PHF3: variants seen among roughly 807,000 people sequenced by gnomAD.
The protein encoded by PHF3 is PHD finger protein 3.
Under a neutral mutation model 178.4 loss-of-function variants are expected in PHF3, and 41 were observed. That is an observed-to-expected ratio of 0.23 (90% CI 0.18 to 0.30). The LOEUF (loss-of-function observed/expected upper bound fraction) is 0.30, where lower values mean the gene tolerates loss of function less well. Ranked by LOEUF, PHF3 falls within the 10% of genes least tolerant of loss-of-function variation. The pLI, the probability that PHF3 is intolerant of heterozygous loss-of-function variation, is 1.00. For synonymous variants in PHF3, 842 were observed against 800.5 expected (o/e 1.05, Z -0.88); for missense variants, 2,346 against 2,398.1 (o/e 0.98, Z 0.45).
intron 2 of PHF3, among the ~76,000 whole-genome samples, chr6:63,671,832 C>T (rs1191552998): frequency 6.6e-6 from 1 of 152,094 alleles, no homozygotes; most frequent in Non-Finnish European, 1.5e-5. Context: ...CTGGAACCTT[C>T]GACTACCTGG....
Position 63,715,052 on chromosome 6 carries a change from G to A in PHF3, c.*1344G>A, listed in dbSNP as rs887816937. The A allele has an allele frequency of 6.6e-5, 10 of 152,104 alleles. No individual in the cohort carries two copies. Among genetic ancestry groups the A allele is most frequent in the South Asian group, 2.1e-4 (1 of 4,820 alleles). The allele number at this position is 152,104 out of a possible 1,614,324, so 9.4% of individuals were successfully genotyped here. ...CTATTATTTACTTACCTGTATTAATGAAGAAAAATATAAATAATTCCACAA... is the reference window on the plus strand; with the variant it reads ...CTATTATTTACTTACCTGTATTAATAAAGAAAAATATAAATAATTCCACAA... On this transcript the variant is annotated 3_prime_UTR_variant, in exon 16 of 16. Transcript: ENST00000262043.
intron 2 of PHF3, among the ~76,000 whole-genome samples, chr6:63,663,855 CT>C (rs1362411704): frequency 1.3e-5 from 2 of 152,062 alleles, no homozygotes; most frequent in Non-Finnish European, 2.9e-5. Context: ...GAGATGGCCC[CT>C]TCAGCTATTA....
rs1441880682 is a variant in PHF3, at chr6:63,724,525, T to G, written c.*10817T>G. On this transcript the variant is annotated 3_prime_UTR_variant, in exon 16 of 16. Coordinates refer to ENST00000262043, the MANE Select transcript of PHF3 (RefSeq NM_001370348.2). Reference sequence around the variant, plus strand: ...AGGATTATAACTATATCAGATGAATTCAGGCTTTGATTAATTTGTGCTTAA... The same window carrying G: ...AGGATTATAACTATATCAGATGAATGCAGGCTTTGATTAATTTGTGCTTAA... 6.6e-6 allele frequency among the ~76,000 whole-genome samples: 1 copy of G among 152,166 alleles called. No individual in the cohort carries two copies. Among genetic ancestry groups the G allele is most frequent in the Non-Finnish European group, 1.5e-5 (1 of 68,014 alleles).
At chr6:63,668,782 G>C (rs750929379) in intron 2 of PHF3, among the ~76,000 whole-genome samples, 15 of 152,008 alleles carry the variant, frequency 9.9e-5, no homozygotes, top group Admixed American at 3.9e-4. Flanking sequence ...TTAATTGTGT[G>C]TTCCATTGCA....
chr6:63,668,228 T>C (rs889489064), intron 2 of PHF3, among the ~76,000 whole-genome samples: 1 of 152,240 alleles, frequency 6.6e-6, no homozygotes, highest in African/African-American at 2.4e-5. Flanking sequence ...AAGGAAAGAA[T>C]GAACATTTCA....
rs2149614570 is a variant in PHF3, at chr6:63,713,374, A to G, written c.5786A>G (p.His1929Arg). The change falls in exon 16 of 16, where the codon CAT becomes CGT. Residue 1929 changes from histidine (H) to arginine (R), a missense_variant. This residue lies in a region of PHF3 where 839 missense variants were observed against 806.9 expected (regional missense o/e 1.04). Transcript: ENST00000262043. ...DRQRFYSDSHHLKRERHEKEW... is the reference protein window; with the variant it reads ...DRQRFYSDSHRLKRERHEKEW... ...CAGAGATTTTATAGTGATTCACACC[A>G]TTTGAAAAGAGAGCGACATGAAAAG... The G allele has an allele frequency of 1.2e-6, 2 of 1,614,090 alleles. No individual in the cohort carries two copies. Among genetic ancestry groups the G allele is most frequent in the Non-Finnish European group, 1.7e-6 (2 of 1,179,966 alleles).
chr6:63,666,187 G>A (rs191903753), intron 2 of PHF3, among the ~76,000 whole-genome samples: 205 of 152,246 alleles, frequency 1.3e-3, no homozygotes, highest in Non-Finnish European at 2.5e-3. Context: ...TTTAGAGGTA[G>A]TACCTTTTTA....
rs554765314 is a variant in PHF3, at chr6:63,684,554, G to C, written c.832G>C (p.Ala278Pro). Residue 278 changes from alanine (A) to proline (P), a missense_variant, in exon 4 of 16, where the codon GCC becomes CCC. Physicochemically the swap from Ala to Pro is conservative, Grantham distance 27. Coordinates refer to ENST00000262043, the MANE Select transcript of PHF3 (RefSeq NM_001370348.2). ...AAATGAAGCTTTGATGGAATGTAAAGCCAAGCCTGTTGGTAGTCCATTGTT... is the reference window on the plus strand; with the variant it reads ...AAATGAAGCTTTGATGGAATGTAAACCCAAGCCTGTTGGTAGTCCATTGTT... The part of the protein sequence containing the change: ...KKNEALMECK[A>P]KPVGSPLFKF... The C allele has an allele frequency of 6.2e-7, 1 of 1,613,922 alleles. No homozygotes were observed. The highest frequency in any genetic ancestry group is 1.1e-5 in the South Asian group (1 of 91,056).
In PHF3 at chr6:63,658,701, A is replaced by G. The variant is rs1457001245; in HGVS notation, c.244+11906A>G. Reference sequence around the variant, plus strand: ...AAGGTTTTCCAGAGAAACAGAACCAATAGATTTTGTGTGTGTGTGTGTGTG... The same window carrying G: ...AAGGTTTTCCAGAGAAACAGAACCAGTAGATTTTGTGTGTGTGTGTGTGTG... On this transcript the variant is annotated intron_variant, in intron 2 of 15. Transcript: ENST00000262043. Among the ~76,000 whole-genome samples the G allele has an allele frequency of 2.1e-5, 3 of 145,352 alleles. No homozygotes were observed. The Admixed American group carries it at 2.1e-4, about 10-fold the overall frequency.
At chr6:63,668,277 G>A (rs79836132) in intron 2 of PHF3, among the ~76,000 whole-genome samples, 2,364 of 152,280 alleles carry the variant, frequency 0.016, 50 homozygotes, top group South Asian at 0.088. Flanking sequence ...AGAGTAAAGA[G>A]TTTTGGTGAA....
Position 63,709,202 on chromosome 6 carries a change from T to G in PHF3, c.3763T>G (p.Trp1255Gly), listed in dbSNP as rs1299047628. ...TGGCAGGATATCACCTCAGACAGTT[T>G]GGGATTATGTGGAAAAAATAAAAGC... ...VGGRISPQTV[W>G]DYVEKIKASG... is the part of the protein sequence containing the mutation. Residue 1255 changes from tryptophan (W) to glycine (G), a missense_variant, in exon 14 of 16, where the codon TGG becomes GGG. Physicochemically the swap from Trp to Gly is radical, Grantham distance 184. This residue lies in a region of PHF3 where 90 missense variants were observed against 136.6 expected (regional missense o/e 0.66). Transcript: ENST00000262043. The G allele has an allele frequency of 1.2e-6, 2 of 1,612,424 alleles. No homozygotes were observed. The highest frequency in any genetic ancestry group is 1.7e-6 in the Non-Finnish European group (2 of 1,178,972).
chr6:63,683,347 C>A (rs1222771919), intron 3 of PHF3, among the ~76,000 whole-genome samples: 1 of 151,930 alleles, frequency 6.6e-6, no homozygotes, highest in Admixed American at 6.6e-5. Context: ...TAGCTCTTTT[C>A]ATTTTGTGTT....
rs368828665 is a variant in PHF3, at chr6:63,685,248, T to C, written c.1526T>C (p.Ile509Thr). Residue 509 changes from isoleucine (I) to threonine (T), a missense_variant, in exon 4 of 16, where the codon ATT (isoleucine) becomes ACT (threonine). Ile to Thr is a moderately conservative substitution (Grantham distance 89, BLOSUM62 -1). This residue lies in a region of PHF3 where 843 missense variants were observed against 795.2 expected (regional missense o/e 1.06). Coordinates refer to ENST00000262043, the MANE Select transcript of PHF3 (RefSeq NM_001370348.2). ...QNMTTDAPKK[I>T]VAAKYEVIHS... is the part of the protein sequence containing the mutation. The stretch of plus-strand genomic sequence containing the variant: ...ATGACCACAGATGCTCCGAAGAAAA[T>C]TGTTGCAGCAAAGTATGAAGTAATA... 1 of 1,613,862 alleles carries C rather than the reference T, an allele frequency of 6.2e-7. No individual in the cohort carries two copies. The highest frequency in any genetic ancestry group is 1.3e-5 in the African/African-American group (1 of 74,978).
At chr6:63,700,786 T>C (rs537382627) in intron 9 of PHF3, among the ~76,000 whole-genome samples, 1 of 152,274 alleles carries the variant, frequency 6.6e-6, no homozygotes, top group South Asian at 2.1e-4. Context: ...GTTTTACCTC[T>C]TAAACCAGGA....
chr6:63,663,551 G>T (rs1582030478), intron 2 of PHF3, among the ~76,000 whole-genome samples: 1 of 152,200 alleles, frequency 6.6e-6, no homozygotes, highest in East Asian at 1.9e-4. Flanking sequence ...CTGTACTCCA[G>T]ACTTTATATT....
rs1243484864 is a variant in PHF3 at position 63,720,787 on chromosome 6, C to T, written c.*7079C>T. 7.1e-6 allele frequency: 11 copies of T among 1,550,798 alleles called. No homozygotes were observed. Among genetic ancestry groups the T allele is most frequent in the Non-Finnish European group, 9.6e-6 (11 of 1,146,512 alleles). The stretch of plus-strand genomic sequence containing the variant: ...AAGCCCCCTAGATAACAAATGCCAT[C>T]ATAGTTTAGAGCCACAAAGTTTTTA... On this transcript the variant is annotated 3_prime_UTR_variant, in exon 16 of 16. Coordinates refer to ENST00000262043, the MANE Select transcript of PHF3 (RefSeq NM_001370348.2).
At position 63,679,701 on chromosome 6, in the gene PHF3, C is replaced by CT. The variant is rs1158620056; in HGVS notation, c.245-296dup. The stretch of plus-strand genomic sequence containing the variant: ...GTACTCCAGGTATAGTCACCTATGT[C>CT]TTTCACAAGGGGTCAGCAAGTAATA... On this transcript the variant is annotated intron_variant, in intron 2 of 15. Coordinates refer to ENST00000262043, the MANE Select transcript of PHF3 (RefSeq NM_001370348.2). 10 of 406,044 alleles carry CT rather than the reference C, an allele frequency of 2.5e-5. No homozygotes were observed. In the Admixed American group the frequency reaches 2.7e-4, roughly 11 times the overall value. 25.2% of individuals were successfully genotyped at this position (406,044 alleles called of 1,614,324 possible). A position where few individuals can be genotyped will look rare whatever the true frequency, so the allele number is the denominator to read the frequency against.
At chr6:63,662,848 G>T (rs1477962774) in intron 2 of PHF3, among the ~76,000 whole-genome samples, 2 of 152,130 alleles carry the variant, frequency 1.3e-5, no homozygotes, top group East Asian at 3.8e-4. Context: ...AAGCATAATT[G>T]ATGTCATTTC....
At position 63,721,237 on chromosome 6, in the gene PHF3, A is replaced by G. The variant is rs1317869871; in HGVS notation, c.*7529A>G. On this transcript the variant is annotated 3_prime_UTR_variant, in exon 16 of 16. Transcript: ENST00000262043. ...GTACACAGGCAACTGTAAGAAAATG[A>G]TTGGTCAGGTATACATAAAGATTGG... 1.3e-6 allele frequency: 2 copies of G among 1,551,854 alleles called. No homozygotes were observed. Among genetic ancestry groups the G allele is most frequent in the East Asian group, 4.9e-5 (2 of 40,916 alleles).
Sources: gnomAD v4.1 joint callset for allele counts (sites outside exome capture counted in the v4.1 genomes callset) on GRCh38, gnomAD v4.1.1 for gene constraint, gnomAD v4.1.1 regional missense constraint, MANE v1.5 for transcripts, NCBI Gene and HGNC (gene_info 2026-07-23, HGNC 2026-07-21) for gene names.